LIPI: variants seen among roughly 807,000 people sequenced by gnomAD.
LIPI encodes the protein lipase member I.
LIPI carries 59 observed loss-of-function variants against 50.6 expected under a neutral mutation model. That is an observed-to-expected ratio of 1.16 (90% CI 0.94 to 1.45). The LOEUF is 1.45. Among genes scored for constraint, LIPI ranks in the 40% most tolerant of loss-of-function variants. LIPI has a pLI of 0.00. For synonymous variants in LIPI, 203 were observed against 178.2 expected (o/e 1.14, Z -1.11); for missense variants, 586 against 536.3 (o/e 1.09, Z -0.92).
At chr21:14,191,150 G>A (rs564602994) in intron 1 of LIPI, among the ~76,000 whole-genome samples, 11 of 151,926 alleles carry the variant, frequency 7.2e-5, no homozygotes, top group East Asian at 1.9e-4. Flanking sequence ...AGGCCGAGGC[G>A]GGCGGATCAC....
At chr21:14,184,178 G>A (rs956565587) in intron 3 of LIPI, among the ~76,000 whole-genome samples, 3 of 152,136 alleles carry the variant, frequency 2.0e-5, no homozygotes, top group African/African-American at 7.2e-5. Context: ...CCTTTGTAGG[G>A]ACATGAATGA....
Position 14,181,714 on chromosome 21 carries a change from C to T in LIPI, c.643+44G>A, listed in dbSNP as rs774844088. ...CCTCTTGCCCAAGGTCTACATTTTC[C>T]TTTTCATTTTCAAATAATTAGGTAA... On this transcript the variant is annotated intron_variant, in intron 4 of 9. Transcript: ENST00000681601. 1.9e-5 allele frequency: 23 copies of T among 1,225,490 alleles called. 1 individual carries two copies. The highest frequency in any genetic ancestry group is 1.4e-4 in the East Asian group (6 of 42,846). The allele number at this position is 1,225,490 out of a possible 1,614,324, so 75.9% of individuals were successfully genotyped here.
At chr21:14,130,832 G>C (rs1003050902) in intron 9 of LIPI, among the ~76,000 whole-genome samples, 11 of 152,126 alleles carry the variant, frequency 7.2e-5, no homozygotes, top group African/African-American at 2.4e-4. Context: ...CACCAACATG[G>C]ACCAGTTGTG....
chr21:14,190,280 T>C (rs1450544982), intron 1 of LIPI, among the ~76,000 whole-genome samples: 1 of 152,126 alleles, frequency 6.6e-6, no homozygotes, highest in East Asian at 1.9e-4. Flanking sequence ...CTGCCTTTTG[T>C]TTTCTTTTTC....
chr21:14,124,380 G>A (rs530134431), intron 9 of LIPI, among the ~76,000 whole-genome samples: 1 of 152,212 alleles, frequency 6.6e-6, no homozygotes, highest in East Asian at 1.9e-4. Context: ...TCCTTCAAAA[G>A]CTAAGTGTAG....
At chr21:14,116,001 C>A (rs979468415) in intron 9 of LIPI, among the ~76,000 whole-genome samples, 1 of 132,830 alleles carries the variant, frequency 7.5e-6, no homozygotes, top group African/African-American at 2.8e-5. Context: ...TTTGCCACCC[C>A]AACTGGGAGT....
rs189535037 is a variant in LIPI, at chr21:14,209,548, A to G, written c.46+1252T>C. On this transcript the variant is annotated intron_variant, in intron 1 of 9. Coordinates refer to ENST00000681601, the MANE Select transcript of LIPI (RefSeq NM_001302998.2). ...AATTTGAGGATCAGTAAAATTTGTA[A>G]TTCACTTATTTTCTATTTACTACTG... Among the ~76,000 whole-genome samples, 736 of 152,278 alleles carry G rather than the reference A, an allele frequency of 4.8e-3. 3 individuals are homozygous for G. The highest frequency in any genetic ancestry group is 7.1e-3 in the Non-Finnish European group (486 of 67,988).
intron 4 of LIPI, among the ~76,000 whole-genome samples, chr21:14,174,628 A>G (rs527465527): frequency 6.6e-6 from 1 of 152,170 alleles, no homozygotes; most frequent in Admixed American, 6.5e-5. Context: ...ATCTCCGCTC[A>G]CTGTGATCTC....
Position 14,163,458 on chromosome 21 carries a change from TG to T in LIPI, c.966del (p.Thr323LeufsTer21). On this transcript the variant is annotated frameshift_variant, in exon 7 of 10. Transcript: ENST00000681601. LOFTEE classifies it high-confidence loss of function. ...GTACCACTTGTATCCAAAAACACAGTGGTCCTAAGAGGTCTTCCTTCCATCC... is the reference window on the plus strand; with the variant it reads ...GTACCACTTGTATCCAAAAACACAGTGTCCTAAGAGGTCTTCCTTCCATCC... ...KERMEGRPLR[T>X]TVFLDTSGTY... The T allele has an allele frequency of 6.3e-7, 1 of 1,578,544 alleles. No individual in the cohort carries two copies. The highest frequency in any genetic ancestry group is 8.7e-7 in the Non-Finnish European group (1 of 1,147,938).
At chr21:14,150,102 G>T (rs888976238) in intron 8 of LIPI, among the ~76,000 whole-genome samples, 2 of 152,178 alleles carry the variant, frequency 1.3e-5, no homozygotes, top group Admixed American at 1.3e-4. Flanking sequence ...TTTCCACTTG[G>T]AGCTCCAGGC....
chr21:14,151,746 T>C (rs950757479), intron 8 of LIPI, among the ~76,000 whole-genome samples: 9 of 152,200 alleles, frequency 5.9e-5, no homozygotes, highest in African/African-American at 1.9e-4. Flanking sequence ...TTCAACAAGC[T>C]CAAGCCAAGA....
At chr21:14,189,653 A>C (rs750460663) in intron 1 of LIPI, among the ~76,000 whole-genome samples, 1 of 152,210 alleles carries the variant, frequency 6.6e-6, no homozygotes, top group Non-Finnish European at 1.5e-5. Flanking sequence ...AATTAAGAAG[A>C]GATTTTTATC....
chr21:14,131,928 G>A (rs1310039500), intron 9 of LIPI, among the ~76,000 whole-genome samples: 6 of 152,068 alleles, frequency 3.9e-5, no homozygotes, highest in African/African-American at 1.2e-4. Flanking sequence ...ACATCCAAAA[G>A]CTTCAATAAG....
intron 4 of LIPI, among the ~76,000 whole-genome samples, chr21:14,180,971 C>T (rs1026310890): frequency 2.6e-5 from 4 of 152,148 alleles, no homozygotes; most frequent in Non-Finnish European, 5.9e-5. Context: ...TTAAGTGCAT[C>T]ATCTGGAATC....
At chr21:14,154,310 C>T (rs2018201369) in intron 7 of LIPI, among the ~76,000 whole-genome samples, 3 of 151,882 alleles carry the variant, frequency 2.0e-5, no homozygotes, top group Admixed American at 2.0e-4. Context: ...TATAAACTTT[C>T]AATATAGAAT....
At chr21:14,206,756 A>G (rs2020236633) in intron 1 of LIPI, 2 of 1,028,612 alleles carry the variant, frequency 1.9e-6, no homozygotes, top group Admixed American at 1.9e-5. Flanking sequence ...GTGTTGTTTT[A>G]TATTTCCTCT....
intron 9 of LIPI, among the ~76,000 whole-genome samples, chr21:14,111,708 A>C (rs549019429): frequency 6.6e-6 from 1 of 152,192 alleles, no homozygotes; most frequent in African/African-American, 2.4e-5. Flanking sequence ...TCTTCTAGCA[A>C]GTTTATAGTT....
At chr21:14,188,925 G>T in intron 2 of LIPI, 109 bp downstream of exon 2, 2 of 958,064 alleles carry the variant, frequency 2.1e-6, no homozygotes, top group Non-Finnish European at 3.3e-6. Context: ...ATGGGGAAAA[G>T]TATATAGTTT....
At position 14,170,482 on chromosome 21, in the gene LIPI, C is replaced by T. The variant is rs546778038; in HGVS notation, c.644-4031G>A. Reference sequence around the variant, plus strand: ...AATCCTCAATAAAATACTGGCAAACCGAATCCAGCAGCACATCAAGAAGCT... The same window carrying T: ...AATCCTCAATAAAATACTGGCAAACTGAATCCAGCAGCACATCAAGAAGCT... On this transcript the variant is annotated intron_variant, in intron 4 of 9. Coordinates refer to ENST00000681601, the MANE Select transcript of LIPI (RefSeq NM_001302998.2). Among the ~76,000 whole-genome samples the T allele has an allele frequency of 5.3e-5, 8 of 152,054 alleles. No individual in the cohort carries two copies. The East Asian group carries it at 1.2e-3, about 22-fold the overall frequency.
Sources: allele counts gnomAD v4.1 joint callset (sites outside exome capture counted in the v4.1 genomes callset), GRCh38; gene constraint gnomAD v4.1.1; transcripts MANE v1.5; gene names NCBI Gene and HGNC (gene_info 2026-07-23, HGNC 2026-07-21).